The following RASEF variants were observed in gnomAD, a reference collection of about 807,000 sequenced individuals.
The protein encoded by RASEF is ras and EF-hand domain-containing protein.
In RASEF, 68 loss-of-function variants were observed where a neutral mutation model predicts 90.1. The observed-to-expected ratio is 0.75, with a 90% CI of 0.62 to 0.92. The LOEUF is 0.92. Among genes scored for constraint, RASEF ranks in the 40% least tolerant of loss-of-function variants. The probability of loss-of-function intolerance (pLI) is 0.00; values close to 1 mark genes in which losing one functional copy is unlikely to be tolerated. For missense variants in RASEF, 949 were observed against 937.2 expected (o/e 1.01, Z -0.16); for synonymous variants, 331 against 345.2 (o/e 0.96, Z 0.46).
At chr9:83,184,929 G>A in the RASEF span, among the ~76,000 whole-genome samples, 1 of 152,268 alleles carries the variant, frequency 6.6e-6, no homozygotes, top group South Asian at 2.1e-4. Flanking sequence ...TCCGGAACGT[G>A]CAGCATCAGC....
the RASEF span, among the ~76,000 whole-genome samples, chr9:83,095,918 T>C: frequency 1.4e-4 from 21 of 152,170 alleles, no homozygotes; most frequent in Non-Finnish European, 3.1e-4. Flanking sequence ...CTTATCCCTG[T>C]AGAGCTCAGG....
chr9:83,144,370 AGAAAGAAAGAAAGAAAGAAAG>A, the RASEF span, among the ~76,000 whole-genome samples: 574 of 60,788 alleles, frequency 9.4e-3, 24 homozygotes, highest in African/African-American at 0.03. Flanking sequence ...AAAGAAAGAA[AGAAAGAAAGAAAGAAAGAAAG>A]GAAAGAAAGA....
chr9:83,172,808 A>G, the RASEF span, among the ~76,000 whole-genome samples: 9 of 151,988 alleles, frequency 5.9e-5, no homozygotes, highest in African/African-American at 1.9e-4. Context: ...CTATTGTGGC[A>G]TTACAGTTTT....
In RASEF at chr9:83,000,997, G is replaced by A. The variant is rs1234612145; in HGVS notation, c.1336C>T (p.Pro446Ser). Residue 446 changes from proline (P) to serine (S), a missense_variant, in exon 10 of 17, where the codon CCC becomes TCC. By Grantham distance (74) the Pro-to-Ser change is moderately conservative (BLOSUM62 -1). Coordinates refer to ENST00000376447, the MANE Select transcript of RASEF (RefSeq NM_152573.4). ...FDSGLSTLRDPNEYDSEVEYK... is the reference protein window; with the variant it reads ...FDSGLSTLRDSNEYDSEVEYK... ...TCCACTTCTGAGTCATACTCATTGG[G>A]ATCTCTCAAGGTAGACAAGCCGCTG... 6.2e-7 allele frequency: 1 copy of A among 1,614,092 alleles called. No homozygotes were observed. Among genetic ancestry groups the A allele is most frequent in the East Asian group, 2.2e-5 (1 of 44,850 alleles).
chr9:83,124,993 T>A, the RASEF span, among the ~76,000 whole-genome samples: 1 of 152,226 alleles, frequency 6.6e-6, no homozygotes, highest in Admixed American at 6.5e-5. Flanking sequence ...TTGCTTCTCT[T>A]CCTTGCTGCC....
At chr9:83,154,821 G>A in the RASEF span, among the ~76,000 whole-genome samples, 1 of 152,164 alleles carries the variant, frequency 6.6e-6, no homozygotes, top group Non-Finnish European at 1.5e-5. Context: ...TCTCATGTAG[G>A]TGAAATAACT....
intron 1 of RASEF, 21 bp from the exon 2 acceptor site, chr9:83,025,942 A>C (rs190192372): frequency 5.9e-6 from 9 of 1,535,172 alleles, no homozygotes; most frequent in Non-Finnish European, 7.9e-6. Flanking sequence ...AATAAATAAA[A>C]ATTAAACCAA....
the RASEF span, among the ~76,000 whole-genome samples, chr9:83,185,919 G>A: frequency 6.6e-6 from 1 of 152,170 alleles, no homozygotes; most frequent in East Asian, 1.9e-4. Context: ...CAGCCACCAC[G>A]GGAGATTGCC....
the RASEF span, among the ~76,000 whole-genome samples, chr9:83,076,783 ACAGAG>A: frequency 6.6e-6 from 1 of 152,206 alleles, no homozygotes; most frequent in Non-Finnish European, 1.5e-5. Context: ...CTTGGATTTC[ACAGAG>A]CAAAGTAGGA....
At chr9:83,155,250 C>T in the RASEF span, among the ~76,000 whole-genome samples, 3 of 152,124 alleles carry the variant, frequency 2.0e-5, no homozygotes, top group Admixed American at 6.5e-5. Context: ...TGCTCTGTGA[C>T]CCTTCTTCTA....
At chr9:83,176,187 G>A in the RASEF span, among the ~76,000 whole-genome samples, 5 of 152,136 alleles carry the variant, frequency 3.3e-5, no homozygotes, top group African/African-American at 9.7e-5. Context: ...GGGCTCTGCT[G>A]TGCATATATG....
chr9:83,111,723 GAGTT>G, the RASEF span, among the ~76,000 whole-genome samples: 3 of 151,614 alleles, frequency 2.0e-5, no homozygotes, highest in Admixed American at 6.6e-5. Flanking sequence ...AATATCTTAA[GAGTT>G]AGTTGAGAAA....
At chr9:83,031,920 C>A (rs190933864) in intron 1 of RASEF, among the ~76,000 whole-genome samples, 1 of 152,210 alleles carries the variant, frequency 6.6e-6, no homozygotes, top group East Asian at 1.9e-4. Flanking sequence ...AAATGATGCA[C>A]CTTCTGGGGT....
At chr9:83,004,428 C>T (rs905624522) in intron 9 of RASEF, 70 bp downstream of exon 9, 2 of 862,360 alleles carry the variant, frequency 2.3e-6, no homozygotes, top group Non-Finnish European at 3.7e-6. Context: ...TAATCCACCT[C>T]CAAGGAAATT....
At chr9:83,213,131 G>A in the RASEF span, among the ~76,000 whole-genome samples, 1 of 151,558 alleles carries the variant, frequency 6.6e-6, no homozygotes, top group Non-Finnish European at 1.5e-5. Context: ...TAGGCACAGT[G>A]GCTCACATCT....
intron 1 of RASEF, among the ~76,000 whole-genome samples, chr9:83,027,883 A>G (rs1428814898): frequency 6.6e-6 from 1 of 152,168 alleles, no homozygotes; most frequent in Non-Finnish European, 1.5e-5. Context: ...CTCCGGATTG[A>G]TGGGCTGCAT....
chr9:83,048,550 GA>G, intron 1 of RASEF: 1 of 985,114 alleles, frequency 1.0e-6, no homozygotes, highest in African/African-American at 1.8e-5. Context: ...AAGTTTAAGT[GA>G]AGGAATGAAT....
At position 83,062,818 on chromosome 9, in the gene RASEF, A is replaced by C; in HGVS notation, c.50T>G (p.Phe17Cys). 6.4e-7 allele frequency: 1 copy of C among 1,554,652 alleles called. No homozygotes were observed. Among genetic ancestry groups the C allele is most frequent in the Non-Finnish European group, 8.6e-7 (1 of 1,161,224 alleles). The change falls in exon 1 of 17, where the codon TTC becomes TGC. Residue 17 changes from phenylalanine to cysteine, a missense_variant. Physicochemically the swap from Phe to Cys is radical, Grantham distance 205. This residue lies in a region of RASEF where 656 missense variants were observed against 592.2 expected (regional missense o/e 1.11). Transcript: ENST00000376447. ...CGAGCGGTTCGCGTCGCAGGCGGCG[A>C]AGACTGAGCGCAGCCGGGCCAGCTC... is the stretch of plus-strand genomic sequence containing the variant. Reference protein sequence around the residue: ...GEELARLRSVFAACDANRSGR... With the variant: ...GEELARLRSVCAACDANRSGR...
At chr9:83,132,149 A>G in the RASEF span, among the ~76,000 whole-genome samples, 3 of 152,188 alleles carry the variant, frequency 2.0e-5, no homozygotes, top group South Asian at 6.2e-4. Flanking sequence ...AAAAAAATAC[A>G]ATGAAAGCAG....
Sources: allele counts gnomAD v4.1 joint callset (sites outside exome capture counted in the v4.1 genomes callset), GRCh38; gene constraint gnomAD v4.1.1; regional missense constraint gnomAD v4.1.1; transcripts MANE v1.5; gene names NCBI Gene and HGNC (gene_info 2026-07-23, HGNC 2026-07-21).